Variants in DIP2B observed in about 807,000 individuals in gnomAD.
DIP2B encodes disco-interacting protein 2 homolog B.
Under a neutral mutation model 198.0 loss-of-function variants are expected in DIP2B, and 76 were observed. That is an observed-to-expected ratio of 0.38 (90% confidence interval 0.32 to 0.46). DIP2B has a LOEUF of 0.46. Among genes scored for constraint, DIP2B ranks in the 20% least tolerant of loss-of-function variants. The pLI, the probability that DIP2B is intolerant of heterozygous loss-of-function variation, is 0.99. For missense variants in DIP2B, 1,559 were observed against 1,978.4 expected (o/e 0.79, Z 4.02); for synonymous variants, 701 against 739.1 (o/e 0.95, Z 0.84).
At chr12:50,675,777 A>G (rs1175395952) in intron 7 of DIP2B, among the ~76,000 whole-genome samples, 2 of 152,212 alleles carry the variant, frequency 1.3e-5, no homozygotes, top group African/African-American at 4.8e-5. Context: ...TCGGATGTGG[A>G]TATCAAATTC....
intron 1 of DIP2B, among the ~76,000 whole-genome samples, chr12:50,543,865 A>G (rs1363651097): frequency 6.8e-6 from 1 of 146,134 alleles, no homozygotes; most frequent in Non-Finnish European, 1.5e-5. Flanking sequence ...CAGAGGTTGC[A>G]GTGAGCTGAG....
intron 1 of DIP2B, among the ~76,000 whole-genome samples, chr12:50,623,947 C>T (rs977282989): frequency 1.3e-5 from 2 of 152,158 alleles, no homozygotes; most frequent in African/African-American, 2.4e-5. Flanking sequence ...CAAAACTCTC[C>T]TAGTTGAAAG....
intron 36 of DIP2B, among the ~76,000 whole-genome samples, 175 bp from the exon 37 acceptor site, chr12:50,741,241 C>T (rs1940236499): frequency 6.6e-6 from 1 of 152,196 alleles, no homozygotes; most frequent in South Asian, 2.1e-4. Flanking sequence ...GATTATTATT[C>T]CCATCTCACA....
chr12:50,573,629 A>G (rs1027584242), intron 1 of DIP2B, among the ~76,000 whole-genome samples: 7 of 152,190 alleles, frequency 4.6e-5, no homozygotes, highest in South Asian at 2.1e-4. Flanking sequence ...TTTCAGGGCA[A>G]TTTTATTTTT....
intron 1 of DIP2B, among the ~76,000 whole-genome samples, chr12:50,554,021 TACAC>T (rs966494708): frequency 6.6e-6 from 1 of 152,204 alleles, no homozygotes; most frequent in Non-Finnish European, 1.5e-5. Flanking sequence ...ATTAAAGTTT[TACAC>T]ACACGTATTT....
At chr12:50,735,795 A>G (rs963807082) in intron 34 of DIP2B, among the ~76,000 whole-genome samples, 7 of 152,220 alleles carry the variant, frequency 4.6e-5, no homozygotes, top group African/African-American at 1.7e-4. Flanking sequence ...ACAAGGAGAA[A>G]GCTAGGAGAG....
At chr12:50,566,445 A>G (rs76154667) in intron 1 of DIP2B, among the ~76,000 whole-genome samples, 6,247 of 152,298 alleles carry the variant, frequency 0.041, 207 homozygotes, top group East Asian at 0.14. Flanking sequence ...GTTTCATTAC[A>G]TATAATGTGT....
At chr12:50,676,268 C>A (rs1336553665) in intron 7 of DIP2B, among the ~76,000 whole-genome samples, 1 of 152,118 alleles carries the variant, frequency 6.6e-6, no homozygotes, top group African/African-American at 2.4e-5. Context: ...AAGAGCTAAG[C>A]GTTGGTAGCT....
In DIP2B at chr12:50,686,663, C is replaced by G; in HGVS notation, c.1532C>G (p.Thr511Arg). ...DWQPHISPAG[T>R]EPAYIEYKTS... ...CAGCCACACATCTCACCTGCTGGGA[C>G]AGAACCGGCATACATTGAGGTAAGT... The change falls in exon 12 of 38, where the codon ACA becomes AGA. Residue 511 changes from threonine (T) to arginine (R), a missense_variant. By Grantham distance (71) the Thr-to-Arg change is moderately conservative. Coordinates refer to ENST00000301180, the MANE Select transcript of DIP2B (RefSeq NM_173602.3). 6.2e-7 allele frequency: 1 copy of G among 1,613,982 alleles called. No individual in the cohort carries two copies. Among genetic ancestry groups the G allele is most frequent in the Non-Finnish European group, 8.5e-7 (1 of 1,179,976 alleles).
chr12:50,519,123 G>A (rs998822998), intron 1 of DIP2B, among the ~76,000 whole-genome samples: 2 of 152,090 alleles, frequency 1.3e-5, no homozygotes, highest in Non-Finnish European at 2.9e-5. Flanking sequence ...TATTCTCAGA[G>A]AAAAAGGTAT....
At position 50,537,150 on chromosome 12, in the gene DIP2B, A is replaced by C. The variant is rs1170110135; in HGVS notation, c.100+31910A>C. 1.0e-4 allele frequency among the ~76,000 whole-genome samples: 4 copies of C among 40,188 alleles called. 1 individual carries two copies. The highest frequency in any genetic ancestry group is 7.9e-4 in the Admixed American group (2 of 2,542). 26.4% of individuals were successfully genotyped at this position (40,188 alleles called of 152,430 possible). A position where few individuals can be genotyped will look rare whatever the true frequency, so the allele number is the denominator to read the frequency against. ...TTTTTTTTTTTTTTTTTGTAGAGAC[A>C]GGGTCTCACTTTGTTTCCCAGGCTG... On this transcript the variant is annotated intron_variant, in intron 1 of 37. Coordinates refer to ENST00000301180, the MANE Select transcript of DIP2B (RefSeq NM_173602.3).
intron 11 of DIP2B, 88 bp from the exon 12 acceptor site, chr12:50,686,485 G>A: frequency 9.2e-7 from 1 of 1,088,634 alleles, no homozygotes; most frequent in Non-Finnish European, 1.3e-6. Flanking sequence ...TCTTAATTTG[G>A]TCTCTTGATA....
intron 1 of DIP2B, among the ~76,000 whole-genome samples, chr12:50,568,204 C>T (rs1426402791): frequency 1.3e-5 from 2 of 152,168 alleles, no homozygotes; most frequent in African/African-American, 4.8e-5. Context: ...AAAGCTTTTG[C>T]TGTCCTTCTT....
intron 1 of DIP2B, among the ~76,000 whole-genome samples, chr12:50,600,127 T>A (rs1419321973): frequency 1.3e-5 from 2 of 152,230 alleles, no homozygotes; most frequent in Non-Finnish European, 2.9e-5. Context: ...CTTTTACTCA[T>A]TCAGAGTAGG....
At position 50,640,745 on chromosome 12, in the gene DIP2B, A is replaced by G. The variant is rs754296813; in HGVS notation, c.194A>G (p.Lys65Arg). ...QTQETDSAVQ[K>R]ELRNQTPAPS... ...TTAGAAACTGATTCAGCAGTACAGA[A>G]AGAACTTAGAAACCAGACACCTGCT... The change falls in exon 3 of 38, where the codon AAA (lysine) becomes AGA (arginine). Residue 65 changes from lysine (K) to arginine (R), a missense_variant. By Grantham distance (26) the Lys-to-Arg change is conservative (BLOSUM62 2). Coordinates refer to ENST00000301180, the MANE Select transcript of DIP2B (RefSeq NM_173602.3). The G allele has an allele frequency of 3.1e-6, 5 of 1,613,844 alleles. No individual in the cohort carries two copies. The highest frequency in any genetic ancestry group is 4.2e-6 in the Non-Finnish European group (5 of 1,179,794).
At chr12:50,627,150 T>C (rs1937951144) in intron 2 of DIP2B, among the ~76,000 whole-genome samples, 1 of 152,172 alleles carries the variant, frequency 6.6e-6, no homozygotes, top group Non-Finnish European at 1.5e-5. Context: ...GAGGTTACCT[T>C]GATTTGCTGC....
At chr12:50,694,541 A>ATACAT (rs1394216292) in intron 14 of DIP2B, among the ~76,000 whole-genome samples, 3 of 109,666 alleles carry the variant, frequency 2.7e-5, no homozygotes, top group African/African-American at 9.1e-5. Context: ...ACATACATAC[A>ATACAT]TACATACATA....
chr12:50,541,046 A>T (rs956723838), intron 1 of DIP2B, among the ~76,000 whole-genome samples: 1 of 152,186 alleles, frequency 6.6e-6, no homozygotes, highest in Non-Finnish European at 1.5e-5. Context: ...ATTTAAAAAA[A>T]TCAACTTACA....
chr12:50,681,687 A>G (rs1337753648), intron 9 of DIP2B, among the ~76,000 whole-genome samples: 1 of 152,190 alleles, frequency 6.6e-6, no homozygotes, highest in Non-Finnish European at 1.5e-5. Context: ...CACCAACTAC[A>G]CAATAGACTT....
Sources: gnomAD v4.1 joint callset for allele counts (sites outside exome capture counted in the v4.1 genomes callset) on GRCh38, gnomAD v4.1.1 for gene constraint, MANE v1.5 for transcripts, NCBI Gene and HGNC (gene_info 2026-07-23, HGNC 2026-07-21) for gene names.